The following COQ3 variants were observed in gnomAD, a reference collection of about 807,000 sequenced individuals.
The protein encoded by COQ3 is ubiquinone biosynthesis O-methyltransferase, mitochondrial.
A neutral mutation model predicts 33.1 loss-of-function variants in COQ3; 29 were observed. The ratio of observed to expected loss-of-function variants is 0.88; its 90% CI spans 0.65 to 1.19. The LOEUF is 1.19. Among genes scored for constraint, COQ3 ranks in the 50% most tolerant of loss-of-function variants. COQ3 has a pLI of 0.00. For missense variants in COQ3, 437 were observed against 430.7 expected (o/e 1.01, Z -0.13); for synonymous variants, 173 against 157.8 (o/e 1.10, Z -0.72).
chr6:99,386,286 C>T (rs139055819), intron 1 of COQ3, among the ~76,000 whole-genome samples: 3,200 of 151,890 alleles, frequency 0.021, 62 homozygotes, highest in Non-Finnish European at 0.028. Context: ...AAAAATTAGC[C>T]AGGCATGGTG....
chr6:99,383,773 A>G lies in COQ3; in HGVS notation c.158T>C (p.Phe53Ser), dbSNP rs753994014. The G allele has an allele frequency of 5.5e-5, 88 of 1,601,210 alleles. No homozygotes were observed. The highest frequency in any genetic ancestry group is 7.2e-5 in the Non-Finnish European group (84 of 1,174,338). ...SGTLQIKPGVFNEYRTIWFKS... is the reference protein window; with the variant it reads ...SGTLQIKPGVSNEYRTIWFKS... ...GAACCATATGGTTCTGTATTCATTGAAAACCCCTGGTTTAATCTGTAGAGT... is the reference window on the plus strand; with the variant it reads ...GAACCATATGGTTCTGTATTCATTGGAAACCCCTGGTTTAATCTGTAGAGT... Residue 53 changes from phenylalanine to serine, a missense_variant, in exon 2 of 7, where the codon TTC becomes TCC. Phe to Ser is a radical substitution (Grantham distance 155). Transcript: ENST00000254759.
chr6:99,378,904 G>C (rs560928750), intron 3 of COQ3, among the ~76,000 whole-genome samples: 14 of 150,888 alleles, frequency 9.3e-5, no homozygotes, highest in Non-Finnish European at 1.6e-4. Context: ...AAAATTGTTT[G>C]ATGAATACAT....
chr6:99,391,434 G>T (rs771970870), intron 1 of COQ3, among the ~76,000 whole-genome samples: 29 of 151,890 alleles, frequency 1.9e-4, no homozygotes, highest in Non-Finnish European at 3.2e-4. Flanking sequence ...AACTCTATCT[G>T]GACTACCTTT....
chr6:99,388,579 G>A (rs1236721670), intron 1 of COQ3, among the ~76,000 whole-genome samples: 1 of 151,892 alleles, frequency 6.6e-6, no homozygotes, highest in East Asian at 1.9e-4. Context: ...CTGGCGCGGT[G>A]GCTTATGCCT....
In COQ3 at chr6:99,388,889, ACG is replaced by A. The variant is rs1375660324; in HGVS notation, c.107-5067_107-5066del. 8.0e-5 allele frequency among the ~76,000 whole-genome samples: 4 copies of A among 49,904 alleles called. No homozygotes were observed. In the South Asian group the frequency reaches 1.8e-3, roughly 22 times the overall value. 32.7% of individuals were successfully genotyped at this position (49,904 alleles called of 152,430 possible). The stretch of plus-strand genomic sequence containing the variant: ...AAATAAATAAAACACTAATGTATAC[ACG>A]CACACACACACACACACACACACAC... On this transcript the variant is annotated intron_variant, in intron 1 of 6. Transcript: ENST00000254759.
chr6:99,382,057 C>T (rs1774489616), intron 2 of COQ3, among the ~76,000 whole-genome samples: 1 of 152,108 alleles, frequency 6.6e-6, no homozygotes, highest in Non-Finnish European at 1.5e-5. Context: ...TCTGATCGAT[C>T]ATGTCTGTCT....
In COQ3 at chr6:99,369,667, C is replaced by G. The variant is rs149092161; in HGVS notation, c.1043G>C (p.Gly348Ala). 4 of 1,614,062 alleles carry G rather than the reference C, an allele frequency of 2.5e-6. No individual in the cohort carries two copies. The highest frequency in any genetic ancestry group is 1.1e-5 in the South Asian group (1 of 91,080). ...HPASAEFVLK[G>A]ETEELQANAC... ...ATTAGCTTGGAGCTCTTCTGTTTCTCCCTTTAAAACAAACTCAGCAGAGGC... is the reference window on the plus strand; with the variant it reads ...ATTAGCTTGGAGCTCTTCTGTTTCTGCCTTTAAAACAAACTCAGCAGAGGC... Residue 348 changes from glycine to alanine, a missense_variant, in exon 7 of 7, where the codon GGA (glycine) becomes GCA (alanine). Physicochemically the swap from Gly to Ala is moderately conservative, Grantham distance 60 (BLOSUM62 0). Coordinates refer to ENST00000254759, the MANE Select transcript of COQ3 (RefSeq NM_017421.4).
In COQ3 at chr6:99,371,584, C is replaced by G. The variant is rs551068346; in HGVS notation, c.733G>C (p.Gly245Arg). 12 of 1,584,406 alleles carry G rather than the reference C, an allele frequency of 7.6e-6. No individual in the cohort carries two copies. In the African/African-American group the frequency reaches 1.6e-4, roughly 22 times the overall value. The change falls in exon 6 of 7, where the codon GGT becomes CGT. Residue 245 changes from glycine (G) to arginine (R), a missense_variant. Coordinates refer to ENST00000254759, the MANE Select transcript of COQ3 (RefSeq NM_017421.4). Reference protein sequence around the residue: ...LQCCCQVLKPGGSLFITTINK... With the variant: ...LQCCCQVLKPRGSLFITTINK... ...ATTGTAGTAATGAATAAAGAACCAC[C>G]GGGCTAAAAGAAATGAAATTATATA...
intron 4 of COQ3, among the ~76,000 whole-genome samples, chr6:99,377,024 A>G (rs901591011): frequency 8.0e-4 from 89 of 110,816 alleles, no homozygotes; most frequent in African/African-American, 1.1e-3. Context: ...GTGTGTGTGT[A>G]TGTGTGACAG....
intron 1 of COQ3, among the ~76,000 whole-genome samples, chr6:99,387,620 T>C (rs1369593644): frequency 1.3e-5 from 2 of 152,162 alleles, no homozygotes; most frequent in Admixed American, 6.5e-5. Flanking sequence ...TAAAAACCTA[T>C]AGCTCACATA....
intron 3 of COQ3, among the ~76,000 whole-genome samples, chr6:99,379,867 T>A (rs1041448575): frequency 4.6e-5 from 7 of 151,036 alleles, no homozygotes; most frequent in South Asian, 2.1e-4. Context: ...AAAAAAAAAA[T>A]AATTAAATAA....
chr6:99,390,289 T>G (rs1774786183), intron 1 of COQ3, among the ~76,000 whole-genome samples: 1 of 151,682 alleles, frequency 6.6e-6, no homozygotes, highest in Non-Finnish European at 1.5e-5. Flanking sequence ...TCTATGAGAG[T>G]GTCTCTTGTT....
Position 99,376,150 on chromosome 6 carries a change from T to C in COQ3, c.519A>G (p.Gly173=), listed in dbSNP as rs767436692. ...PLGRLGASVI[G]IDPVDENIKT... is the part of the protein sequence containing the mutation. ...TAATGTTCTCATCCACAGGGTCGAT[T>C]CCAATAACTGAAGCCCCAAGCCGCC... Residue 173 remains glycine, a synonymous_variant, in exon 5 of 7, where the codon GGA becomes GGG. Transcript: ENST00000254759. The C allele has an allele frequency of 1.2e-6, 2 of 1,614,112 alleles. No individual in the cohort carries two copies. The highest frequency in any genetic ancestry group is 3.3e-5 in the Admixed American group (2 of 60,026).
At chr6:99,377,654 A>G (rs747253366) in intron 3 of COQ3, among the ~76,000 whole-genome samples, 169 bp from the exon 4 acceptor site, 7 of 152,154 alleles carry the variant, frequency 4.6e-5, no homozygotes, top group Non-Finnish European at 1.0e-4. Flanking sequence ...AACATTTTCA[A>G]TAATCAAAAG....
intron 2 of COQ3, among the ~76,000 whole-genome samples, chr6:99,381,443 C>T (rs562702370): frequency 7.9e-5 from 12 of 152,146 alleles, no homozygotes; most frequent in Non-Finnish European, 1.5e-4. Flanking sequence ...TCATCCTTCC[C>T]ACTCCAACCA....
In COQ3 at chr6:99,371,412, T is replaced by A. The variant is rs563045377; in HGVS notation, c.889+16A>T. The stretch of plus-strand genomic sequence containing the variant: ...GCTAGGCCTGGAAAATTGGAAAAAA[T>A]TCTCTTAATACTTACTTGATTCCAG... On this transcript the variant is annotated intron_variant, in intron 6 of 6. Coordinates refer to ENST00000254759, the MANE Select transcript of COQ3 (RefSeq NM_017421.4). 118 of 1,552,308 alleles carry A rather than the reference T, an allele frequency of 7.6e-5. 5 individuals are homozygous for A. The South Asian group carries it at 1.4e-3, about 19-fold the overall frequency.
Position 99,377,466 on chromosome 6 carries a change from T to C in COQ3, c.406A>G (p.Ile136Val). 1 of 1,611,518 alleles carries C rather than the reference T, an allele frequency of 6.2e-7. No homozygotes were observed. The highest frequency in any genetic ancestry group is 8.5e-7 in the Non-Finnish European group (1 of 1,178,874). ...GGTTTTCCTGGCTGGTGATTAGGAA[T>C]TGTTTTCAGAAGATTGTCCCTTTTT... ...PFIRDNLLKT[I>V]PNHQPGKPLL... The change falls in exon 4 of 7, where the codon ATT becomes GTT. Residue 136 changes from isoleucine (I) to valine (V), a missense_variant. Transcript: ENST00000254759.
chr6:99,369,630 A>G lies in COQ3; in HGVS notation c.1080T>C (p.Asn360=). ...TEELQANACT[N]PAVHEKLKK The stretch of plus-strand genomic sequence containing the variant: ...TCTTCAGCTTTTCATGCACAGCTGG[A>G]TTGGTGCAGGCATTAGCTTGGAGCT... The change falls in exon 7 of 7, where the codon AAT becomes AAC. Residue 360 remains asparagine (N), a synonymous_variant. Coordinates refer to ENST00000254759, the MANE Select transcript of COQ3 (RefSeq NM_017421.4). 1 of 1,614,072 alleles carries G rather than the reference A, an allele frequency of 6.2e-7. No individual in the cohort carries two copies. The highest frequency in any genetic ancestry group is 1.7e-4 in the Middle Eastern group (1 of 6,060).
In COQ3 at chr6:99,371,498, A is replaced by G; in HGVS notation, c.819T>C (p.Ile273=). ...CCCATGTATGAGTACCTTTTGGTAC[A>G]ATACTTGCAATTTGCTCTGAAAAAA... is the stretch of plus-strand genomic sequence containing the variant. ...GIVFSEQIAS[I]VPKGTHTWEK... Residue 273 remains isoleucine (I), a synonymous_variant, in exon 6 of 7, where the codon ATT becomes ATC. Coordinates refer to ENST00000254759, the MANE Select transcript of COQ3 (RefSeq NM_017421.4). The G allele has an allele frequency of 6.2e-7, 1 of 1,606,868 alleles. No homozygotes were observed. The highest frequency in any genetic ancestry group is 8.5e-7 in the Non-Finnish European group (1 of 1,175,088).
Sources: allele counts gnomAD v4.1 joint callset (sites outside exome capture counted in the v4.1 genomes callset), GRCh38; gene constraint gnomAD v4.1.1; transcripts MANE v1.5; gene names NCBI Gene and HGNC (gene_info 2026-07-23, HGNC 2026-07-21).